Variants in SNTG1 observed in about 807,000 individuals in gnomAD.
SNTG1 encodes gamma-1-syntrophin.
SNTG1 carries 39 observed loss-of-function variants against 74.7 expected under a neutral mutation model. The ratio of observed to expected loss-of-function variants is 0.52; its 90% confidence interval spans 0.40 to 0.68. SNTG1 has a LOEUF of 0.68. Ranked by LOEUF, SNTG1 falls within the 30% of genes least tolerant of loss-of-function variation. The pLI is 0.00. For synonymous variants in SNTG1, 254 were observed against 217.1 expected (o/e 1.17, Z -1.49); for missense variants, 685 against 609.5 (o/e 1.12, Z -1.30).
chr8:49,939,346 C>T (rs1808468851), intron 1 of SNTG1, among the ~76,000 whole-genome samples: 1 of 152,214 alleles, frequency 6.6e-6, no homozygotes, highest in Non-Finnish European at 1.5e-5. Context: ...TATAGCTTGT[C>T]TATTTATAGT....
In SNTG1 at chr8:50,777,800, C is replaced by A. The variant is rs2095645433; in HGVS notation, c.1396-14871C>A. Among the ~76,000 whole-genome samples, 9 of 151,886 alleles carry A rather than the reference C, an allele frequency of 5.9e-5. 1 individual carries two copies. Among genetic ancestry groups the A allele is most frequent in the Admixed American group, 5.3e-4 (8 of 15,220 alleles). ...ATGTGCCATGCTGCTGTGCTGCACC[C>A]ATTAACTCATCATTTAGCATTAGGT... On this transcript the variant is annotated intron_variant, in intron 18 of 18. Coordinates refer to ENST00000642720, the MANE Select transcript of SNTG1 (RefSeq NM_018967.5).
chr8:50,590,131 A>G (rs953813173), intron 12 of SNTG1, among the ~76,000 whole-genome samples: 3 of 152,180 alleles, frequency 2.0e-5, no homozygotes, highest in Admixed American at 1.3e-4. Flanking sequence ...CAGTGGCATG[A>G]TTTATAAATG....
At chr8:49,980,373 G>GC (rs1262102442) in intron 1 of SNTG1, among the ~76,000 whole-genome samples, 1 of 151,832 alleles carries the variant, frequency 6.6e-6, no homozygotes, top group African/African-American at 2.4e-5. Context: ...AGCAGACGGA[G>GC]CCCTGAGCTC....
chr8:50,195,471 G>A (rs756913581), intron 2 of SNTG1, among the ~76,000 whole-genome samples: 7 of 152,184 alleles, frequency 4.6e-5, no homozygotes, highest in East Asian at 1.9e-4. Flanking sequence ...TTCTCGCCCC[G>A]TTCAAATTGT....
chr8:49,918,085 T>A (rs534999988), intron 1 of SNTG1, among the ~76,000 whole-genome samples: 1 of 152,274 alleles, frequency 6.6e-6, no homozygotes, highest in African/African-American at 2.4e-5. Flanking sequence ...AGATATTCAG[T>A]CAGATTTTTT....
chr8:49,961,625 A>G (rs541669335), intron 1 of SNTG1, among the ~76,000 whole-genome samples: 12 of 152,368 alleles, frequency 7.9e-5, no homozygotes, highest in Admixed American at 4.6e-4. Flanking sequence ...GGAATTCCTT[A>G]GAATAAGACT....
Position 50,554,043 on chromosome 8 carries a change from G to T in SNTG1, c.810+864G>T, listed in dbSNP as rs185358202. 7.2e-5 allele frequency among the ~76,000 whole-genome samples: 11 copies of T among 152,196 alleles called. No individual in the cohort carries two copies. The East Asian group carries it at 1.9e-3, about 27-fold the overall frequency. On this transcript the variant is annotated intron_variant, in intron 12 of 18. Coordinates refer to ENST00000642720, the MANE Select transcript of SNTG1 (RefSeq NM_018967.5). The stretch of plus-strand genomic sequence containing the variant: ...AAATATATAACTCTGTCACCAGCAC[G>T]TGAACACACAAAATTGTTCTTATGT...
intron 13 of SNTG1, among the ~76,000 whole-genome samples, chr8:50,605,894 T>G (rs887379322): frequency 6.6e-6 from 1 of 152,128 alleles, no homozygotes; most frequent in African/African-American, 2.4e-5. Flanking sequence ...CATATTTTTG[T>G]CCTTGATTCT....
At chr8:50,687,457 A>C (rs1157686002) in intron 15 of SNTG1, among the ~76,000 whole-genome samples, 1 of 152,248 alleles carries the variant, frequency 6.6e-6, no homozygotes, top group African/African-American at 2.4e-5. Flanking sequence ...TTTCATGCAA[A>C]TAGAAATTAA....
At chr8:50,044,057 T>TA (rs1018060681) in intron 1 of SNTG1, among the ~76,000 whole-genome samples, 3 of 152,070 alleles carry the variant, frequency 2.0e-5, no homozygotes, top group Non-Finnish European at 2.9e-5. Flanking sequence ...TATGTAATAC[T>TA]AAAAAAAATT....
At chr8:50,470,480 T>A (rs1218402932) in intron 8 of SNTG1, among the ~76,000 whole-genome samples, 1 of 152,172 alleles carries the variant, frequency 6.6e-6, no homozygotes, top group Non-Finnish European at 1.5e-5. Flanking sequence ...GGGTTCATGG[T>A]CTTCCCGACT....
chr8:50,225,008 T>C (rs763037139), intron 2 of SNTG1, among the ~76,000 whole-genome samples: 1 of 152,234 alleles, frequency 6.6e-6, no homozygotes, highest in Non-Finnish European at 1.5e-5. Flanking sequence ...TCTCACTCTG[T>C]TGCCCAGGCT....
At chr8:50,440,848 G>T (rs925432676) in intron 5 of SNTG1, among the ~76,000 whole-genome samples, 1 of 152,104 alleles carries the variant, frequency 6.6e-6, no homozygotes, top group Non-Finnish European at 1.5e-5. Context: ...TGTGAATTCC[G>T]CTGGACTCAG....
At chr8:50,551,785 C>A (rs1487148321) in intron 11 of SNTG1, among the ~76,000 whole-genome samples, 2 of 152,146 alleles carry the variant, frequency 1.3e-5, no homozygotes, top group East Asian at 1.9e-4. Context: ...AAGAGCATAT[C>A]TAAGCACATC....
intron 1 of SNTG1, among the ~76,000 whole-genome samples, chr8:50,062,754 A>C (rs1187692742): frequency 6.6e-6 from 1 of 152,234 alleles, no homozygotes; most frequent in Non-Finnish European, 1.5e-5. Flanking sequence ...CCCACAAACA[A>C]TGGTTTAATG....
intron 2 of SNTG1, among the ~76,000 whole-genome samples, chr8:50,352,618 T>G (rs545275609): frequency 6.6e-6 from 1 of 152,172 alleles, no homozygotes; most frequent in South Asian, 2.1e-4. Flanking sequence ...CATGAACTCC[T>G]GACCTCAGGT....
At position 50,115,576 on chromosome 8, in the gene SNTG1, A is replaced by AACAAACAAAAAAAAAAAAAAC. The variant is rs2080785415; in HGVS notation, c.-102-56984_-102-56983insCAAACAAAAAAAAAAAAAACA. On this transcript the variant is annotated intron_variant, in intron 1 of 18. Coordinates refer to ENST00000642720, the MANE Select transcript of SNTG1 (RefSeq NM_018967.5). ...GAGCGAGACTCTGTCTCAAAAAAAA[A>AACAAACAAAAAAAAAAAAAAC]AAAAAAAAAAACGAGATGGTTGAAG... Among the ~76,000 whole-genome samples the AACAAACAAAAAAAAAAAAAAC allele has an allele frequency of 1.2e-4, 10 of 82,798 alleles. 1 individual carries two copies. The highest frequency in any genetic ancestry group is 1.9e-4 in the Non-Finnish European group (7 of 37,128). 54.3% of individuals were successfully genotyped at this position (82,798 alleles called of 152,430 possible).
At chr8:50,165,971 T>C (rs1283531894) in intron 1 of SNTG1, among the ~76,000 whole-genome samples, 4 of 142,238 alleles carry the variant, frequency 2.8e-5, no homozygotes, top group African/African-American at 1.1e-4. Context: ...ATGCCGCATA[T>C]CTACAACTAT....
At chr8:50,413,672 T>C (rs1324841901) in intron 4 of SNTG1, among the ~76,000 whole-genome samples, 1 of 152,208 alleles carries the variant, frequency 6.6e-6, no homozygotes, top group East Asian at 1.9e-4. Flanking sequence ...CTCTCTATTA[T>C]CTGTGTTCTT....
Sources: allele counts gnomAD v4.1 joint callset (sites outside exome capture counted in the v4.1 genomes callset), GRCh38; gene constraint gnomAD v4.1.1; transcripts MANE v1.5; gene names NCBI Gene and HGNC (gene_info 2026-07-23, HGNC 2026-07-21).